Variants in ZFAT observed in about 807,000 individuals in gnomAD.
ZFAT encodes the protein zinc finger protein ZFAT.
In ZFAT, 64 loss-of-function variants were observed where a neutral mutation model predicts 117.7. That is an observed-to-expected ratio of 0.54 (90% CI 0.44 to 0.67). The LOEUF (loss-of-function observed/expected upper bound fraction) is 0.67. Ranked by LOEUF, ZFAT falls within the 30% of genes least tolerant of loss-of-function variation. The probability of loss-of-function intolerance (pLI) is 0.00; values close to 1 mark genes in which losing one functional copy is unlikely to be tolerated. For synonymous variants in ZFAT, 679 were observed against 615.0 expected, an observed-to-expected ratio of 1.10 and a Z score of -1.54; for missense variants, 1,433 against 1,584.5, an observed-to-expected ratio of 0.90 and a Z score of 1.62.
chr8:134,571,596 T>C (rs954191068), intron 10 of ZFAT, among the ~76,000 whole-genome samples: 2 of 152,142 alleles, frequency 1.3e-5, no homozygotes, highest in Admixed American at 6.5e-5. Context: ...AAAATAGGTC[T>C]TGACCAAACA....
At chr8:134,513,415 C>T (rs1166675049) in intron 13 of ZFAT, among the ~76,000 whole-genome samples, 1 of 152,120 alleles carries the variant, frequency 6.6e-6, no homozygotes, top group African/African-American at 2.4e-5. Context: ...AGGATGGTCT[C>T]GATCTCCTGA....
chr8:134,551,878 T>C (rs1823194840), intron 11 of ZFAT, among the ~76,000 whole-genome samples: 1 of 152,230 alleles, frequency 6.6e-6, no homozygotes, highest in Non-Finnish European at 1.5e-5. Context: ...TCAGGACTTA[T>C]TTCATCATCA....
chr8:134,639,185 C>G (rs1262196798), intron 2 of ZFAT, among the ~76,000 whole-genome samples: 1 of 152,166 alleles, frequency 6.6e-6, no homozygotes, highest in African/African-American at 2.4e-5. Flanking sequence ...CAGTCTGGGG[C>G]AGAGTCTGCA....
At chr8:134,718,114 T>C in the ZFAT span, among the ~76,000 whole-genome samples, 5 of 152,258 alleles carry the variant, frequency 3.3e-5, no homozygotes, top group Admixed American at 2.6e-4. Context: ...CATTCGACAG[T>C]TACATTGAAA....
intron 1 of ZFAT, among the ~76,000 whole-genome samples, chr8:134,712,462 G>A (rs1285213248): frequency 6.6e-6 from 1 of 151,794 alleles, no homozygotes; most frequent in Non-Finnish European, 1.5e-5. Flanking sequence ...AGGAATCCGA[G>A]GCCAGGCAAG....
chr8:134,798,518 G>C, the ZFAT span, among the ~76,000 whole-genome samples: 1 of 152,000 alleles, frequency 6.6e-6, no homozygotes, highest in African/African-American at 2.4e-5. Context: ...CTGTAAGGGT[G>C]GGAGACAGCT....
intron 5 of ZFAT, among the ~76,000 whole-genome samples, chr8:134,606,645 T>C (rs995193129): frequency 5.3e-5 from 8 of 151,346 alleles, no homozygotes; most frequent in African/African-American, 1.7e-4. Flanking sequence ...AGAGAATAGC[T>C]TGAACCTGGG....
chr8:134,822,219 C>T, the ZFAT span, among the ~76,000 whole-genome samples: 1 of 152,108 alleles, frequency 6.6e-6, no homozygotes, highest in Admixed American at 6.6e-5. Context: ...TATTAGTATA[C>T]TGACCAATCG....
chr8:134,662,876 G>A lies in ZFAT; in HGVS notation c.20-5139C>T, dbSNP rs143249066. On this transcript the variant is annotated intron_variant, in intron 1 of 15. Coordinates refer to ENST00000377838, the MANE Select transcript of ZFAT (RefSeq NM_020863.4). ...CTAGCCTGCAAGGCAGCCTCTTCTG[G>A]GTCATCCGCCCACAGAGGACGGCTC... 3.4e-3 allele frequency among the ~76,000 whole-genome samples: 522 copies of A among 152,330 alleles called. 2 individuals are homozygous for A. The highest frequency in any genetic ancestry group is 0.012 in the African/African-American group (480 of 41,568).
chr8:134,552,212 G>A (rs1376199134), intron 11 of ZFAT, among the ~76,000 whole-genome samples: 4 of 95,568 alleles, frequency 4.2e-5, no homozygotes, highest in South Asian at 4.5e-4. Flanking sequence ...CTCTGCCCCT[G>A]TCATGGTGCC....
chr8:134,532,607 C>G (rs1181407550), intron 12 of ZFAT, among the ~76,000 whole-genome samples: 1 of 152,198 alleles, frequency 6.6e-6, no homozygotes, highest in Non-Finnish European at 1.5e-5. Flanking sequence ...TTTACTTCTG[C>G]TATTTTAGAC....
chr8:134,747,641 C>T, the ZFAT span, among the ~76,000 whole-genome samples: 2 of 152,256 alleles, frequency 1.3e-5, no homozygotes, highest in African/African-American at 4.8e-5. Flanking sequence ...ATTTATAGAA[C>T]TTGTAACTGT....
chr8:134,530,811 T>C lies in ZFAT; in HGVS notation c.3115+2023A>G, dbSNP rs962520610. Among the ~76,000 whole-genome samples, 14 of 152,038 alleles carry C rather than the reference T, an allele frequency of 9.2e-5. 1 individual carries two copies. Among genetic ancestry groups the C allele is most frequent in the Non-Finnish European group, 1.6e-4 (11 of 67,964 alleles). On this transcript the variant is annotated intron_variant, in intron 12 of 15. Transcript: ENST00000377838. Reference sequence around the variant, plus strand: ...AATACAAATTAAAACCAAAGTATAATAACTATTCACATGGCATTTACATTG... The same window carrying C: ...AATACAAATTAAAACCAAAGTATAACAACTATTCACATGGCATTTACATTG...
intron 10 of ZFAT, among the ~76,000 whole-genome samples, chr8:134,569,425 G>A (rs1017279458): frequency 2.0e-5 from 3 of 152,142 alleles, no homozygotes; most frequent in Non-Finnish European, 1.5e-5. Context: ...GAAATGGAAG[G>A]AGGAATTTAT....
intron 11 of ZFAT, among the ~76,000 whole-genome samples, chr8:134,556,665 T>A (rs1445623721): frequency 1.3e-5 from 2 of 152,192 alleles, no homozygotes; most frequent in African/African-American, 4.8e-5. Context: ...TTTAGAGTGA[T>A]GTCCCCCTAG....
At chr8:134,535,498 C>CCTCCCT (rs1458668283) in intron 11 of ZFAT, among the ~76,000 whole-genome samples, 2 of 124,576 alleles carry the variant, frequency 1.6e-5, no homozygotes, top group Non-Finnish European at 3.4e-5. Context: ...TCCCCCTCCC[C>CCTCCCT]CTCCCTCTCC....
intron 15 of ZFAT, among the ~76,000 whole-genome samples, chr8:134,501,896 G>A (rs1819009885): frequency 6.6e-6 from 1 of 152,166 alleles, no homozygotes; most frequent in Non-Finnish European, 1.5e-5. Context: ...TTGTGGCTAG[G>A]ATTAGAGAAG....
intron 11 of ZFAT, among the ~76,000 whole-genome samples, chr8:134,564,609 C>T (rs1373784264): frequency 6.6e-6 from 1 of 152,194 alleles, no homozygotes; most frequent in African/African-American, 2.4e-5. Flanking sequence ...ATTTCAAAAA[C>T]CATTTTAGAG....
chr8:134,803,485 G>A, the ZFAT span, among the ~76,000 whole-genome samples: 1 of 152,302 alleles, frequency 6.6e-6, no homozygotes, highest in East Asian at 1.9e-4. Flanking sequence ...AGGAAGGGAT[G>A]CTTGATGCAT....
Sources: gnomAD v4.1 joint callset for allele counts (sites outside exome capture counted in the v4.1 genomes callset) on GRCh38, gnomAD v4.1.1 for gene constraint, MANE v1.5 for transcripts, NCBI Gene and HGNC (gene_info 2026-07-23, HGNC 2026-07-21) for gene names.